The following OTOR variants were observed in gnomAD, a reference collection of about 807,000 sequenced individuals.
The protein encoded by OTOR is otoraplin.
A neutral mutation model predicts 15.9 loss-of-function variants in OTOR; 20 were observed. The observed-to-expected ratio is 1.26, with a 90% CI of 0.89 to 1.83. The LOEUF is 1.83. Among genes scored for constraint, OTOR ranks in the 40% most tolerant of loss-of-function variants. The probability of loss-of-function intolerance (pLI) is 0.00; values close to 1 mark genes in which losing one functional copy is unlikely to be tolerated. For synonymous variants in OTOR, 53 were observed against 54.2 expected, an observed-to-expected ratio of 0.98 and a Z score of 0.09; for missense variants, 184 against 159.0, an observed-to-expected ratio of 1.16 and a Z score of -0.85.
rs970156632 is a variant in OTOR at position 16,751,289 on chromosome 20, C to T, written c.*171C>T. ...GTGGCAGATAAAAGAGGATTTTCAA[C>T]TCAAATCTTGTTTCCTGCTGGCCTG... On this transcript the variant is annotated 3_prime_UTR_variant, in exon 4 of 4. Transcript: ENST00000246081. The T allele has an allele frequency of 1.0e-5, 6 of 574,450 alleles. No homozygotes were observed. The highest frequency in any genetic ancestry group is 7.7e-5 in the African/African-American group (4 of 52,014). 35.6% of individuals were successfully genotyped at this position (574,450 alleles called of 1,614,324 possible).
In OTOR at chr20:16,748,525, T is replaced by A. The variant is rs771551655; in HGVS notation, c.115+9T>A. The A allele has an allele frequency of 1.4e-6, 2 of 1,428,940 alleles. No individual in the cohort carries two copies. The highest frequency in any genetic ancestry group is 2.0e-6 in the Non-Finnish European group (2 of 1,018,848). 88.5% of individuals were successfully genotyped at this position (1,428,940 alleles called of 1,614,324 possible). ...AGATGATGAGTGTGTCTGTAAGGAC[T>A]TTTTTATGCTTTTCATTATCTTTCT... On this transcript the variant is annotated intron_variant, in intron 1 of 3. Transcript: ENST00000246081.
Position 16,748,388 on chromosome 20 carries a change from C to T in OTOR, c.-14C>T, listed in dbSNP as rs757806242. On this transcript the variant is annotated 5_prime_UTR_variant, in exon 1 of 4. Coordinates refer to ENST00000246081, the MANE Select transcript of OTOR (RefSeq NM_020157.4). Reference sequence around the variant, plus strand: ...CTTCCAGTCAGAGTTCAAGTTAAAACAGAAAAAAGGAAGATGGCAAGAATA... The same window carrying T: ...CTTCCAGTCAGAGTTCAAGTTAAAATAGAAAAAAGGAAGATGGCAAGAATA... 8 of 1,569,360 alleles carry T rather than the reference C, an allele frequency of 5.1e-6. No individual in the cohort carries two copies. The Admixed American group carries it at 1.3e-4, about 26-fold the overall frequency.
chr20:16,751,202 T>C lies in OTOR; in HGVS notation c.*84T>C. 1.1e-6 allele frequency: 1 copy of C among 937,694 alleles called. No homozygotes were observed. Among genetic ancestry groups the C allele is most frequent in the Non-Finnish European group, 1.6e-6 (1 of 619,508 alleles). 58.1% of individuals were successfully genotyped at this position (937,694 alleles called of 1,614,324 possible). A position where few individuals can be genotyped will look rare whatever the true frequency, so the allele number is the denominator to read the frequency against. On this transcript the variant is annotated 3_prime_UTR_variant, in exon 4 of 4. Transcript: ENST00000246081. ...GTGGCCAAAAAATGCATGTCTGTAA[T>C]TTTGGACTGACGTTTTAAGAATTTG...
rs1214014345 is a variant in OTOR at position 16,749,592 on chromosome 20, AT to A, written c.256-310del. The A allele has an allele frequency of 8.4e-5, 24 of 287,168 alleles. 1 individual carries two copies. In the East Asian group the frequency reaches 9.4e-4, roughly 11 times the overall value. 17.8% of individuals were successfully genotyped at this position (287,168 alleles called of 1,614,324 possible). A position where few individuals can be genotyped will look rare whatever the true frequency, so the allele number is the denominator to read the frequency against. The stretch of plus-strand genomic sequence containing the variant: ...TAAGTGTCTACAGTACTTTAAAAAA[AT>A]GTACTGTCTTTATATATTTATTTAT... On this transcript the variant is annotated intron_variant, in intron 2 of 3. Coordinates refer to ENST00000246081, the MANE Select transcript of OTOR (RefSeq NM_020157.4).
At chr20:16,749,652 T>C (rs1600230691) in intron 2 of OTOR, 2 of 450,664 alleles carry the variant, frequency 4.4e-6, no homozygotes, top group Middle Eastern at 5.9e-4. Flanking sequence ...ACTCACAAGA[T>C]TGCGTAAAAT....
At chr20:16,749,730 A>G (rs2072515885) in intron 2 of OTOR, 173 bp from the exon 3 acceptor site, 1 of 583,306 alleles carries the variant, frequency 1.7e-6, no homozygotes, top group Non-Finnish European at 3.1e-6. Context: ...CCTGCGGGTT[A>G]ACTTAGTGCT....
At position 16,748,957 on chromosome 20, in the gene OTOR, A is replaced by G. The variant is rs751072944; in HGVS notation, c.206A>G (p.Tyr69Cys). ...AAAAAAGGGCAGCAGATCTATGTGT[A>G]CTCAAAGCTGGTAAAAGAAAATGGA... ...NVKKGQQIYV[Y>C]SKLVKENGAG... Residue 69 changes from tyrosine (Y) to cysteine (C), a missense_variant, in exon 2 of 4, where the codon TAC (tyrosine) becomes TGC (cysteine). Coordinates refer to ENST00000246081, the MANE Select transcript of OTOR (RefSeq NM_020157.4). 3 of 1,611,940 alleles carry G rather than the reference A, an allele frequency of 1.9e-6. No individual in the cohort carries two copies. Among genetic ancestry groups the G allele is most frequent in the Non-Finnish European group, 8.5e-7 (1 of 1,179,196 alleles).
In OTOR at chr20:16,748,881, G is replaced by C; in HGVS notation, c.130G>C (p.Ala44Pro). Residue 44 changes from alanine (A) to proline (P), a missense_variant, in exon 2 of 4, where the codon GCT becomes CCT. By Grantham distance (27) the Ala-to-Pro change is conservative. Coordinates refer to ENST00000246081, the MANE Select transcript of OTOR (RefSeq NM_020157.4). ...TTTTCTTCCAGATACTATTTCTCTG[G>C]CTAGTGCTCAAGAAGATTATAATGC... ...DDECVYTISL[A>P]SAQEDYNAPD... is the part of the protein sequence containing the mutation. 1 of 1,586,482 alleles carries C rather than the reference G, an allele frequency of 6.3e-7. No individual in the cohort carries two copies. The highest frequency in any genetic ancestry group is 1.2e-5 in the South Asian group (1 of 85,366).
Position 16,751,993 on chromosome 20 carries a change from T to C in OTOR, c.*875T>C, listed in dbSNP as rs1163174034. On this transcript the variant is annotated 3_prime_UTR_variant, in exon 4 of 4. Transcript: ENST00000246081. ...TGCAAATTCCTCTAGTCAAGTGTGA[T>C]ATATCAAGAAATCTGAGGAGGATGC... 4 of 152,218 alleles carry C rather than the reference T, an allele frequency of 2.6e-5. No homozygotes were observed. Among genetic ancestry groups the C allele is most frequent in the Admixed American group, 6.5e-5 (1 of 15,284 alleles). 9.4% of individuals were successfully genotyped at this position (152,218 alleles called of 1,614,324 possible).
At chr20:16,750,092 A>C (rs1253612781) in intron 3 of OTOR, 82 bp downstream of exon 3, 11 of 903,340 alleles carry the variant, frequency 1.2e-5, no homozygotes, top group Non-Finnish European at 1.8e-5. Flanking sequence ...CATGCAACTT[A>C]CAAGTTGTAT....
At chr20:16,748,573 C>A in intron 1 of OTOR, 57 bp downstream of exon 1, 1 of 1,009,198 alleles carries the variant, frequency 9.9e-7, no homozygotes, top group Non-Finnish European at 1.5e-6. Context: ...AAAATATATC[C>A]ACTAATAGCA....
Position 16,749,024 on chromosome 20 carries a change from C to A in OTOR, c.255+18C>A. On this transcript the variant is annotated intron_variant, in intron 2 of 3. Coordinates refer to ENST00000246081, the MANE Select transcript of OTOR (RefSeq NM_020157.4). ...CTGGCAGTGTAAGATAATTTAAACA[C>A]CTATTGACGAATATTGCTCTTAACC... 2.0e-6 allele frequency: 3 copies of A among 1,499,818 alleles called. No homozygotes were observed. The highest frequency in any genetic ancestry group is 2.7e-6 in the Non-Finnish European group (3 of 1,098,050). 92.9% of individuals were successfully genotyped at this position (1,499,818 alleles called of 1,614,324 possible).
chr20:16,748,660 T>C (rs2072507947), intron 1 of OTOR, 144 bp downstream of exon 1: 2 of 698,628 alleles, frequency 2.9e-6, no homozygotes, highest in African/African-American at 3.6e-5. Flanking sequence ...GTCTGCATGT[T>C]TGGTATCTTA....
At chr20:16,750,055 C>T (rs1291106447) in intron 3 of OTOR, 45 bp downstream of exon 3, 2 of 1,262,458 alleles carry the variant, frequency 1.6e-6, no homozygotes, top group East Asian at 2.4e-5. Flanking sequence ...GATCTTGGGG[C>T]AATGTAGGCC....
Position 16,751,249 on chromosome 20 carries a change from G to T in OTOR, c.*131G>T. ...TTTGTTACCTTACAGAAGAGCAAGGGCTTAGGGGTTGGAGGTGGCAGATAA... is the reference window on the plus strand; with the variant it reads ...TTTGTTACCTTACAGAAGAGCAAGGTCTTAGGGGTTGGAGGTGGCAGATAA... On this transcript the variant is annotated 3_prime_UTR_variant, in exon 4 of 4. Coordinates refer to ENST00000246081, the MANE Select transcript of OTOR (RefSeq NM_020157.4). The T allele has an allele frequency of 1.6e-6, 1 of 644,808 alleles. No homozygotes were observed. The highest frequency in any genetic ancestry group is 2.6e-6 in the Non-Finnish European group (1 of 382,486). 39.9% of individuals were successfully genotyped at this position (644,808 alleles called of 1,614,324 possible).
rs528759976 is a variant in OTOR at position 16,748,361 on chromosome 20, C to T, written c.-41C>T. ...GGCAGGAACCACTGAAGTCAGTCCC[C>T]GCTTCCAGTCAGAGTTCAAGTTAAA... On this transcript the variant is annotated 5_prime_UTR_variant, in exon 1 of 4. Transcript: ENST00000246081. 35 of 1,348,854 alleles carry T rather than the reference C, an allele frequency of 2.6e-5. No homozygotes were observed. The highest frequency in any genetic ancestry group is 3.1e-5 in the Non-Finnish European group (29 of 938,744). 83.6% of individuals were successfully genotyped at this position (1,348,854 alleles called of 1,614,324 possible). A position where few individuals can be genotyped will look rare whatever the true frequency, so the allele number is the denominator to read the frequency against.
intron 3 of OTOR, 50 bp downstream of exon 3, chr20:16,750,060 T>A: frequency 1.6e-6 from 2 of 1,222,302 alleles, no homozygotes; most frequent in South Asian, 1.2e-5. Context: ...TGGGGCAATG[T>A]AGGCCGGTGT....
chr20:16,749,762 C>T (rs544646892), intron 2 of OTOR, 141 bp from the exon 3 acceptor site: 17 of 605,210 alleles, frequency 2.8e-5, no homozygotes, highest in African/African-American at 1.1e-4. Context: ...TCGGATTTGC[C>T]GCAGCGCCCC....
chr20:16,749,105 A>T (rs567040472), intron 2 of OTOR, 99 bp downstream of exon 2: 1 of 777,900 alleles, frequency 1.3e-6, no homozygotes, highest in East Asian at 3.1e-5. Context: ...GTTGTTAAGA[A>T]CCATGTAGTG....
Sources: allele counts gnomAD v4.1 joint callset, GRCh38; gene constraint gnomAD v4.1.1; transcripts MANE v1.5; gene names NCBI Gene and HGNC (gene_info 2026-07-23, HGNC 2026-07-21).